Variants in UHRF1 observed in about 807,000 individuals in gnomAD.
UHRF1 encodes ubiquitin like with PHD and ring finger domains 1.
Under a neutral mutation model 96.5 loss-of-function variants are expected in UHRF1, and 9 were observed. The ratio of observed to expected loss-of-function variants is 0.09; its 90% CI spans 0.06 to 0.16. The LOEUF (loss-of-function observed/expected upper bound fraction) is 0.16, where lower values mean the gene tolerates loss of function less well. UHRF1 is among the 10% of genes least tolerant of loss of function. The pLI is 1.00. For synonymous variants in UHRF1, 455 were observed against 469.9 expected, an observed-to-expected ratio of 0.97 and a Z score of 0.41; for missense variants, 626 against 1,131.1, an observed-to-expected ratio of 0.55 and a Z score of 6.40.
At chr19:4,955,266 G>GA (rs1274789171) in intron 15 of UHRF1, among the ~76,000 whole-genome samples, 1 of 152,086 alleles carries the variant, frequency 6.6e-6, no homozygotes, top group African/African-American at 2.4e-5. Context: ...ATAGGGCTGG[G>GA]CCCTCCTGGG....
At chr19:4,951,055 T>G in intron 13 of UHRF1, 59 bp downstream of exon 13, 1 of 1,496,014 alleles carries the variant, frequency 6.7e-7, no homozygotes, top group African/African-American at 1.4e-5. Flanking sequence ...TCACTTACGT[T>G]AGGAGTTCAA....
exon 1 of UHRF1, chr19:4,909,490 GGAAAAAAATCAGAGCA>G (rs2032159762): frequency 1.5e-6 from 1 of 655,472 alleles, no homozygotes; most frequent in Non-Finnish European, 2.7e-6. Flanking sequence ...AGTTTTCGCG[GGAAAAAAATCAGAGCA>G]GCTGGCAGCG....
chr19:4,911,763 TG>T (rs1280853424), intron 2 of UHRF1, among the ~76,000 whole-genome samples: 3 of 152,180 alleles, frequency 2.0e-5, no homozygotes, highest in Non-Finnish European at 4.4e-5. Flanking sequence ...TTGGTGTTTT[TG>T]TGGGGGACTG....
At chr19:4,919,051 G>A (rs1205886857) in intron 2 of UHRF1, among the ~76,000 whole-genome samples, 1 of 140,222 alleles carries the variant, frequency 7.1e-6, no homozygotes, top group Non-Finnish European at 1.5e-5. Flanking sequence ...TTTTGAGACA[G>A]TGTATCAGTG....
At chr19:4,937,760 A>G (rs1327321644) in intron 5 of UHRF1, among the ~76,000 whole-genome samples, 3 of 152,184 alleles carry the variant, frequency 2.0e-5, no homozygotes, top group Non-Finnish European at 2.9e-5. Flanking sequence ...CAGCCTTATA[A>G]TGTGAGCTGG....
At chr19:4,923,480 C>G (rs2032768171) in intron 2 of UHRF1, among the ~76,000 whole-genome samples, 1 of 152,220 alleles carries the variant, frequency 6.6e-6, no homozygotes, top group Non-Finnish European at 1.5e-5. Flanking sequence ...TGAGGCCCCT[C>G]TGCTTGGCTG....
upstream of UHRF1, among the ~76,000 whole-genome samples, chr19:4,905,179 T>C (rs1423022847): frequency 1.4e-5 from 2 of 144,014 alleles, no homozygotes; most frequent in African/African-American, 2.6e-5. Flanking sequence ...TGCAGTGGTG[T>C]GATCTCGGCT....
chr19:4,956,893 T>C (rs1421430977), intron 16 of UHRF1, 80 bp downstream of exon 16: 2 of 996,536 alleles, frequency 2.0e-6, no homozygotes, highest in Non-Finnish European at 3.1e-6. Context: ...TGCCTGCCAC[T>C]ACAGACAGAG....
At position 4,927,200 on chromosome 19, in the gene UHRF1, C is replaced by T. The variant is rs574696039; in HGVS notation, c.154-2022C>T. Among the ~76,000 whole-genome samples, 6 of 151,914 alleles carry T rather than the reference C, an allele frequency of 3.9e-5. No individual in the cohort carries two copies. In the East Asian group the frequency reaches 9.7e-4, roughly 24 times the overall value. On this transcript the variant is annotated intron_variant, in intron 2 of 16. Coordinates refer to ENST00000650932, the MANE Select transcript of UHRF1 (RefSeq NM_001048201.3). ...TTCAAAACCAGCCTGGCCAACATGG[C>T]GAGACCCTGTCTCTACTAAAAATAC... is the stretch of plus-strand genomic sequence containing the variant.
At chr19:4,942,034 G>A in intron 7 of UHRF1, 103 bp downstream of exon 7, 4 of 1,264,634 alleles carry the variant, frequency 3.2e-6, no homozygotes, top group Non-Finnish European at 3.1e-6. Flanking sequence ...GGGGGCTCAC[G>A]CCTGCAATCC....
At chr19:4,917,622 C>A (rs1220812242) in intron 2 of UHRF1, among the ~76,000 whole-genome samples, 1 of 143,930 alleles carries the variant, frequency 6.9e-6, no homozygotes, top group Non-Finnish European at 1.5e-5. Flanking sequence ...CCACTGCACT[C>A]CAGCTTGGCA....
exon 1 of UHRF1, chr19:4,903,593 C>T (rs1210860513): frequency 6.6e-6 from 1 of 150,968 alleles, no homozygotes; most frequent in East Asian, 1.9e-4. Flanking sequence ...ACCTCTGCCT[C>T]CTGGGTTCCA....
intron 2 of UHRF1, among the ~76,000 whole-genome samples, chr19:4,923,205 C>T (rs1195525581): frequency 6.6e-6 from 1 of 152,194 alleles, no homozygotes; most frequent in Non-Finnish European, 1.5e-5. Context: ...CTCGGTCTGT[C>T]TCCTCCCCGA....
Position 4,960,781 on chromosome 19 carries a change from C to G in UHRF1, c.2360C>G (p.Pro787Arg). 1 of 1,569,394 alleles carries G rather than the reference C, an allele frequency of 6.4e-7. No individual in the cohort carries two copies. The highest frequency in any genetic ancestry group is 1.7e-4 in the Middle Eastern group (1 of 5,890). ...PLQTVLNQLF[P>R]GYGNGR is the part of the protein sequence containing the mutation. ...CAGACCGTCCTCAACCAGCTCTTCC[C>G]CGGCTACGGCAATGGCCGGTGATCT... The change falls in exon 17 of 17, where the codon CCC (proline) becomes CGC (arginine). Residue 787 changes from proline (P) to arginine (R), a missense_variant. This residue lies in a region of UHRF1 where 84 missense variants were observed against 150.3 expected (regional missense o/e 0.56). Transcript: ENST00000650932.
upstream of UHRF1, chr19:4,909,168 G>C (rs2032144573): frequency 5.5e-6 from 2 of 365,580 alleles, no homozygotes; most frequent in Non-Finnish European, 1.0e-5. Flanking sequence ...CAATGCGTGC[G>C]AGTGGGGGGC....
At chr19:4,924,934 C>A (rs943955584) in intron 2 of UHRF1, among the ~76,000 whole-genome samples, 5 of 150,512 alleles carry the variant, frequency 3.3e-5, no homozygotes, top group African/African-American at 1.2e-4. Context: ...TCAAGCGATT[C>A]TCCTGCTTCA....
intron 5 of UHRF1, among the ~76,000 whole-genome samples, chr19:4,939,921 G>A (rs1391352532): frequency 6.6e-6 from 1 of 151,944 alleles, no homozygotes; most frequent in Non-Finnish European, 1.5e-5. Context: ...CTACTCAGGA[G>A]GCTGAGGCAG....
intron 2 of UHRF1, among the ~76,000 whole-genome samples, chr19:4,922,453 G>A (rs1453546427): frequency 1.3e-5 from 2 of 151,630 alleles, no homozygotes; most frequent in African/African-American, 4.8e-5. Flanking sequence ...TTTCAGTAGA[G>A]ATGGGGTTTT....
At chr19:4,949,933 G>T (rs2033672312) in intron 11 of UHRF1, among the ~76,000 whole-genome samples, 1 of 151,930 alleles carries the variant, frequency 6.6e-6, no homozygotes, top group African/African-American at 2.4e-5. Flanking sequence ...GCAGCAGTGT[G>T]ATCGTAGCTC....
Sources: allele counts gnomAD v4.1 joint callset (sites outside exome capture counted in the v4.1 genomes callset), GRCh38; gene constraint gnomAD v4.1.1; regional missense constraint gnomAD v4.1.1; transcripts MANE v1.5; gene names NCBI Gene and HGNC (gene_info 2026-07-23, HGNC 2026-07-21).